Variants in SLC22A4 observed in about 807,000 individuals in gnomAD.
The protein encoded by SLC22A4 is solute carrier family 22 member 4, also known as ET transporter.
A neutral mutation model predicts 56.6 loss-of-function variants in SLC22A4; 39 were observed. That is an observed-to-expected ratio of 0.69 (90% CI 0.53 to 0.90). SLC22A4 has a LOEUF of 0.90. Among genes scored for constraint, SLC22A4 ranks in the 40% least tolerant of loss-of-function variants. SLC22A4 has a pLI of 0.00. For synonymous variants in SLC22A4, 241 were observed against 281.4 expected, an observed-to-expected ratio of 0.86 and a Z score of 1.44; for missense variants, 594 against 696.5, an observed-to-expected ratio of 0.85 and a Z score of 1.66.
intron 7 of SLC22A4, 127 bp from the exon 8 acceptor site, chr5:132,335,691 C>G: frequency 1.2e-6 from 1 of 810,820 alleles, no homozygotes; most frequent in Non-Finnish European, 2.1e-6. Flanking sequence ...AGAGAAAATG[C>G]TATTTTGGGA....
chr5:132,323,918 T>C (rs2126724618), intron 4 of SLC22A4, among the ~76,000 whole-genome samples: 1 of 152,304 alleles, frequency 6.6e-6, no homozygotes, highest in East Asian at 1.9e-4. Context: ...ATTAGCCAGG[T>C]ATGGTGATTC....
At chr5:132,337,135 T>C (rs1055174541) in intron 8 of SLC22A4, among the ~76,000 whole-genome samples, 2 of 152,122 alleles carry the variant, frequency 1.3e-5, no homozygotes, top group Non-Finnish European at 2.9e-5. Context: ...AGAAGTAAAA[T>C]TCCTGGAGCA....
rs1580814362 is a variant in SLC22A4, at chr5:132,294,533, T to C, written c.-84T>C. On this transcript the variant is annotated 5_prime_UTR_variant, in exon 1 of 10. Transcript: ENST00000200652. This position sits in a 1 kb window ranked among gnomAD's most constrained non-coding sequence, Gnocchi z 5.6. ...TCCCCCGGGAACGTTCTAACATCCT[T>C]GGGGAGCGCCCCAGCTACAAGACAC... 1 of 1,594,084 alleles carries C rather than the reference T, an allele frequency of 6.3e-7. No individual in the cohort carries two copies. The highest frequency in any genetic ancestry group is 8.6e-7 in the Non-Finnish European group (1 of 1,165,930).
chr5:132,306,428 T>C (rs1460772545), intron 1 of SLC22A4, among the ~76,000 whole-genome samples: 1 of 81,364 alleles, frequency 1.2e-5, no homozygotes, highest in Non-Finnish European at 2.4e-5. Flanking sequence ...TATATATATA[T>C]ATATATATAT....
In SLC22A4 at chr5:132,340,689, G is replaced by A. The variant is rs146182196; in HGVS notation, c.1569G>A (p.Gln523=). 1.1e-5 allele frequency: 18 copies of A among 1,614,042 alleles called. No individual in the cohort carries two copies. In the African/African-American group the frequency reaches 1.6e-4, roughly 14 times the overall value. The change falls in exon 9 of 10, where the codon CAG becomes CAA. Residue 523 remains glutamine (Q), a synonymous_variant. Coordinates refer to ENST00000200652, the MANE Select transcript of SLC22A4 (RefSeq NM_003059.3). ...MTLPETLEQM[Q]KVKWFRSGKK... is the part of the protein sequence containing the mutation. ...TTCCAGAAACCTTAGAGCAGATGCA[G>A]AAAGTGAAATGGTAAGTAGGACTTT...
intron 1 of SLC22A4, chr5:132,311,171 C>A (rs1264852069): frequency 1.3e-5 from 2 of 152,200 alleles, no homozygotes; most frequent in Non-Finnish European, 1.5e-5. Flanking sequence ...GTAAAAGCAG[C>A]CCCATCCAAG....
Position 132,340,700 on chromosome 5 carries a change from G to C in SLC22A4, c.1580G>C (p.Trp527Ser), listed in dbSNP as rs771861252. ...ETLEQMQKVK[W>S]FRSGKKTRDS... ...TTAGAGCAGATGCAGAAAGTGAAAT[G>C]GTAAGTAGGACTTTTAACAAAATGA... Residue 527 changes from tryptophan (W) to serine (S), a missense_variant and splice_region_variant, in exon 9 of 10, where the codon TGG becomes TCG. By Grantham distance (177) the Trp-to-Ser change is radical (BLOSUM62 -3). Coordinates refer to ENST00000200652, the MANE Select transcript of SLC22A4 (RefSeq NM_003059.3). The C allele has an allele frequency of 1.8e-5, 29 of 1,613,714 alleles. No homozygotes were observed. The highest frequency in any genetic ancestry group is 2.3e-5 in the Non-Finnish European group (27 of 1,179,752).
At chr5:132,301,142 C>CTGGCTCT (rs1447607390) in intron 1 of SLC22A4, among the ~76,000 whole-genome samples, 2 of 152,254 alleles carry the variant, frequency 1.3e-5, no homozygotes, top group Non-Finnish European at 2.9e-5. Context: ...AGAGGCAATC[C>CTGGCTCT]TGGCTCGTGG....
Position 132,334,269 on chromosome 5 carries a change from GT to G in SLC22A4, c.1047-447del, listed in dbSNP as rs1314976543. Among the ~76,000 whole-genome samples, 8 of 152,194 alleles carry G rather than the reference GT, an allele frequency of 5.3e-5. No homozygotes were observed. The South Asian group carries it at 1.7e-3, about 32-fold the overall frequency. On this transcript the variant is annotated intron_variant, in intron 6 of 9. Transcript: ENST00000200652. ...AGTATGACCCTTGTATCTCTTTTTT[GT>G]TAAAGAATGAAATCTGGATTTTATG...
At chr5:132,313,789 A>C in intron 3 of SLC22A4, 21 bp downstream of exon 3, 1 of 1,613,002 alleles carries the variant, frequency 6.2e-7, no homozygotes, top group African/African-American at 1.3e-5. Context: ...CTTCTGGGAC[A>C]TGGGGTGCTT....
rs543047753 is a variant in SLC22A4, at chr5:132,341,016, C to G, written c.1580+316C>G. On this transcript the variant is annotated intron_variant, in intron 9 of 9. Coordinates refer to ENST00000200652, the MANE Select transcript of SLC22A4 (RefSeq NM_003059.3). ...CATGTAATCCCAGCTACTCAGGAGGCTGAGGCAGGAGAACTGCTTGACCCA... is the reference window on the plus strand; with the variant it reads ...CATGTAATCCCAGCTACTCAGGAGGGTGAGGCAGGAGAACTGCTTGACCCA... Among the ~76,000 whole-genome samples the G allele has an allele frequency of 3.6e-5, 4 of 112,400 alleles. No individual in the cohort carries two copies. In the East Asian group the frequency reaches 9.8e-4, roughly 28 times the overall value. The allele number at this position is 112,400 out of a possible 152,430, so 73.7% of individuals were successfully genotyped here.
chr5:132,338,008 G>T (rs2126741684), intron 8 of SLC22A4, among the ~76,000 whole-genome samples: 1 of 151,968 alleles, frequency 6.6e-6, no homozygotes, highest in Admixed American at 6.6e-5. Context: ...GCCTCCCAAA[G>T]TGCTGGGATA....
At position 132,294,506 on chromosome 5, in the gene SLC22A4, T is replaced by G; in HGVS notation, c.-111T>G. ...GCGCCCCAATTTCTAACAGCCTGCC[T>G]GTCCCCCGGGAACGTTCTAACATCC... On this transcript the variant is annotated 5_prime_UTR_variant, in exon 1 of 10. Transcript: ENST00000200652. The surrounding 1 kb of genome is among the most constrained non-coding windows in gnomAD (Gnocchi z 5.6). The G allele has an allele frequency of 6.8e-7, 1 of 1,479,956 alleles. No homozygotes were observed. Among genetic ancestry groups the G allele is most frequent in the Non-Finnish European group, 9.3e-7 (1 of 1,074,262 alleles). 91.7% of individuals were successfully genotyped at this position (1,479,956 alleles called of 1,614,324 possible).
intron 6 of SLC22A4, 100 bp from the exon 7 acceptor site, chr5:132,334,618 G>A: frequency 1.2e-6 from 1 of 834,698 alleles, no homozygotes; most frequent in South Asian, 1.3e-5. Context: ...GAGGGTAGTG[G>A]CTACTTATAA....
chr5:132,317,818 T>C (rs34604423), intron 3 of SLC22A4, among the ~76,000 whole-genome samples: 11,683 of 152,324 alleles, frequency 0.077, 571 homozygotes, highest in East Asian at 0.27. Context: ...CATTATTTTA[T>C]TGTATTTAAA....
intron 6 of SLC22A4, among the ~76,000 whole-genome samples, chr5:132,332,638 C>T (rs754416512): frequency 1.8e-4 from 28 of 151,816 alleles, no homozygotes; most frequent in African/African-American, 2.4e-4. Context: ...GGCTTTCAGG[C>T]GCAGAAATAC....
chr5:132,311,928 A>G (rs1561537751), intron 1 of SLC22A4: 1 of 596,254 alleles, frequency 1.7e-6, no homozygotes, highest in Non-Finnish European at 3.0e-6. Flanking sequence ...CTTTCCAAAG[A>G]GGATCCTGAG....
intron 1 of SLC22A4, among the ~76,000 whole-genome samples, chr5:132,310,276 C>T (rs1341918798): frequency 6.6e-6 from 1 of 152,208 alleles, no homozygotes; most frequent in African/African-American, 2.4e-5. Flanking sequence ...TAATCTTCTG[C>T]AAAATGGGTC....
intron 3 of SLC22A4, 27 bp downstream of exon 3, chr5:132,313,795 T>G (rs559492142): frequency 8.7e-6 from 14 of 1,611,202 alleles, no homozygotes; most frequent in African/African-American, 8.0e-5. Context: ...GGACATGGGG[T>G]GCTTCCCTCT....
Sources: allele counts gnomAD v4.1 joint callset (sites outside exome capture counted in the v4.1 genomes callset), GRCh38; gene constraint gnomAD v4.1.1; non-coding constraint Gnocchi (gnomAD v3.1); transcripts MANE v1.5; gene names NCBI Gene and HGNC (gene_info 2026-07-23, HGNC 2026-07-21).